Variants in RASEF observed in about 807,000 individuals in gnomAD.
The protein encoded by RASEF is RAS and EF-hand domain containing.
In RASEF, 68 loss-of-function variants were observed where a neutral mutation model predicts 90.1. The ratio of observed to expected loss-of-function variants is 0.75; its 90% CI spans 0.62 to 0.92. The LOEUF (loss-of-function observed/expected upper bound fraction) is 0.92. RASEF is among the 40% of genes least tolerant of loss of function. RASEF has a pLI of 0.00. For missense variants in RASEF, 949 were observed against 937.2 expected, an observed-to-expected ratio of 1.01 and a Z score of -0.16; for synonymous variants, 331 against 345.2, an observed-to-expected ratio of 0.96 and a Z score of 0.46.
the RASEF span, among the ~76,000 whole-genome samples, chr9:83,159,984 T>G: frequency 6.6e-6 from 1 of 152,256 alleles, no homozygotes; most frequent in African/African-American, 2.4e-5. Flanking sequence ...AAGTGAGATG[T>G]GCCTTTCACC....
chr9:82,986,881 C>A (rs4385545), intron 16 of RASEF, among the ~76,000 whole-genome samples: 69,863 of 151,984 alleles, frequency 0.46, 16,863 homozygotes, highest in East Asian at 0.77. Flanking sequence ...TGGTTATGAA[C>A]GATGACCTAT....
chr9:83,120,085 A>G, the RASEF span, among the ~76,000 whole-genome samples: 37 of 152,200 alleles, frequency 2.4e-4, no homozygotes, highest in African/African-American at 8.9e-4. Flanking sequence ...TTGACATTTA[A>G]GATTCTGTTA....
intron 3 of RASEF, among the ~76,000 whole-genome samples, chr9:83,019,663 C>A (rs1217643091): frequency 2.6e-5 from 4 of 152,174 alleles, no homozygotes; most frequent in Non-Finnish European, 5.9e-5. Context: ...TAGCCAACAA[C>A]TGGAAATAAC....
At chr9:83,180,472 C>T in the RASEF span, among the ~76,000 whole-genome samples, 4 of 144,876 alleles carry the variant, frequency 2.8e-5, no homozygotes, top group Non-Finnish European at 4.6e-5. Flanking sequence ...ACTAGAAATG[C>T]GTAAACATTA....
chr9:83,144,391 G>GAAAGAAAGAAAAGAAAGAAAGAAA, the RASEF span, among the ~76,000 whole-genome samples: 5 of 33,220 alleles, frequency 1.5e-4, no homozygotes, highest in East Asian at 9.9e-4. Context: ...AAGAAAGAAA[G>GAAAGAAAGAAAAGAAAGAAAGAAA]GAAAGAAAGA....
chr9:83,180,336 A>G, the RASEF span, among the ~76,000 whole-genome samples: 1 of 152,170 alleles, frequency 6.6e-6, no homozygotes, highest in Non-Finnish European at 1.5e-5. Flanking sequence ...AGGCTGTGAG[A>G]AGCAAGCATA....
chr9:83,093,442 G>T, the RASEF span, among the ~76,000 whole-genome samples: 2 of 152,206 alleles, frequency 1.3e-5, no homozygotes, highest in African/African-American at 2.4e-5. Flanking sequence ...GCCCTGCCCC[G>T]CGGGAAGGCA....
intron 6 of RASEF, among the ~76,000 whole-genome samples, chr9:83,008,917 T>TATATATATATAC (rs1829185213): frequency 1.6e-5 from 2 of 127,486 alleles, no homozygotes; most frequent in African/African-American, 2.9e-5. Flanking sequence ...TATATATATA[T>TATATATATATAC]ATATATATAT....
At chr9:82,999,965 A>C (rs1365987835) in intron 12 of RASEF, among the ~76,000 whole-genome samples, 1 of 151,124 alleles carries the variant, frequency 6.6e-6, no homozygotes, top group Non-Finnish European at 1.5e-5. Flanking sequence ...AACAAGAAAG[A>C]CCTTTCCATA....
chr9:82,999,707 G>A (rs1416562870), intron 12 of RASEF, among the ~76,000 whole-genome samples: 2 of 151,244 alleles, frequency 1.3e-5, no homozygotes, highest in Non-Finnish European at 2.9e-5. Flanking sequence ...AGGTTCAAGC[G>A]ACTCTCCAGC....
At chr9:83,163,508 C>G in the RASEF span, among the ~76,000 whole-genome samples, 25 of 151,920 alleles carry the variant, frequency 1.6e-4, no homozygotes, top group Non-Finnish European at 3.4e-4. Context: ...CAATGGGCAA[C>G]ATAAACAAGA....
chr9:83,213,481 C>A, the RASEF span, among the ~76,000 whole-genome samples: 2 of 152,048 alleles, frequency 1.3e-5, no homozygotes, highest in Admixed American at 6.5e-5. Flanking sequence ...CTCCTCAAAT[C>A]TAACAGACAC....
At chr9:83,093,656 G>A in the RASEF span, among the ~76,000 whole-genome samples, 3 of 152,186 alleles carry the variant, frequency 2.0e-5, no homozygotes, top group Non-Finnish European at 2.9e-5. Flanking sequence ...CGCAAGGGCC[G>A]CACGCAGCCC....
At chr9:82,985,193 G>A (rs527897415) in intron 16 of RASEF, among the ~76,000 whole-genome samples, 6 of 152,278 alleles carry the variant, frequency 3.9e-5, no homozygotes, top group South Asian at 4.1e-4. Context: ...TCAAAAGTGG[G>A]AACGAAAAGA....
intron 1 of RASEF, chr9:83,047,968 C>T (rs940284187): frequency 3.7e-6 from 1 of 271,044 alleles, no homozygotes; most frequent in Non-Finnish European, 5.7e-6. Context: ...TAAAACCCAG[C>T]ATCACTGTCA....
At chr9:83,003,055 G>C (rs10780564) in intron 9 of RASEF, among the ~76,000 whole-genome samples, 1 of 151,912 alleles carries the variant, frequency 6.6e-6, no homozygotes, top group Non-Finnish European at 1.5e-5. Flanking sequence ...GAGTTCTTGC[G>C]AAGAACAAAG....
chr9:83,098,089 C>T, the RASEF span, among the ~76,000 whole-genome samples: 3 of 152,148 alleles, frequency 2.0e-5, no homozygotes, highest in Non-Finnish European at 2.9e-5. Context: ...AGAGTCCACA[C>T]TGAATGAACT....
chr9:83,099,742 C>T, the RASEF span, among the ~76,000 whole-genome samples: 1 of 152,180 alleles, frequency 6.6e-6, no homozygotes, highest in Admixed American at 6.5e-5. Flanking sequence ...GTGAGCAGCA[C>T]CTGGAGCACG....
chr9:83,212,856 AAG>A, the RASEF span, among the ~76,000 whole-genome samples: 3 of 152,174 alleles, frequency 2.0e-5, no homozygotes, highest in South Asian at 6.2e-4. Context: ...TTGTGACATT[AAG>A]AGAGAGAGTG....
Sources: gnomAD v4.1 joint callset for allele counts (sites outside exome capture counted in the v4.1 genomes callset) on GRCh38, gnomAD v4.1.1 for gene constraint, MANE v1.5 for transcripts, NCBI Gene and HGNC (gene_info 2026-07-23, HGNC 2026-07-21) for gene names.